The following FRMD3 variants were observed in gnomAD, a reference collection of about 807,000 sequenced individuals.
FRMD3 encodes FERM domain-containing protein 3.
A neutral mutation model predicts 70.2 loss-of-function variants in FRMD3; 33 were observed. That is an observed-to-expected ratio of 0.47 (90% CI 0.36 to 0.63). FRMD3 has a LOEUF of 0.63. Ranked by LOEUF, FRMD3 falls within the 20% of genes least tolerant of loss-of-function variation. FRMD3 has a pLI of 0.00. For synonymous variants in FRMD3, 279 were observed against 255.9 expected, an observed-to-expected ratio of 1.09 and a Z score of -0.86; for missense variants, 632 against 711.4, an observed-to-expected ratio of 0.89 and a Z score of 1.27.
At position 83,245,359 on chromosome 9, in the gene FRMD3, G is replaced by T. The variant is rs953373777; in HGVS notation, c.*2559C>A. The T allele has an allele frequency of 7.1e-6, 7 of 985,192 alleles. No individual in the cohort carries two copies. In the Admixed American group the frequency reaches 4.3e-4, roughly 61 times the overall value. 61.0% of individuals were successfully genotyped at this position (985,192 alleles called of 1,614,324 possible). A position where few individuals can be genotyped will look rare whatever the true frequency, so the allele number is the denominator to read the frequency against. On this transcript the variant is annotated 3_prime_UTR_variant, in exon 14 of 14. Coordinates refer to ENST00000304195, the MANE Select transcript of FRMD3 (RefSeq NM_174938.6). ...ACTATCTTCTAACAAAACTTAAATGGATGTTTCTAAAAGGCTCTGATTCTA... is the reference window on the plus strand; with the variant it reads ...ACTATCTTCTAACAAAACTTAAATGTATGTTTCTAAAAGGCTCTGATTCTA...
rs202021488 is a variant in FRMD3 at position 83,251,130 on chromosome 9, A to C, written c.1196-2614T>G. ...ATGCAGGCCAGCAACAAGTCAGTACACCCCTGGGATGGAGCTTCCAGTGGA... is the reference window on the plus strand; with the variant it reads ...ATGCAGGCCAGCAACAAGTCAGTACCCCCCTGGGATGGAGCTTCCAGTGGA... On this transcript the variant is annotated intron_variant, in intron 13 of 13. Transcript: ENST00000304195. 1.3e-3 allele frequency among the ~76,000 whole-genome samples: 194 copies of C among 152,130 alleles called. 4 individuals carry two copies. In the East Asian group the frequency reaches 0.034, roughly 27 times the overall value.
intron 1 of FRMD3, among the ~76,000 whole-genome samples, chr9:83,506,045 C>T (rs1043173775): frequency 3.9e-5 from 6 of 152,150 alleles, no homozygotes; most frequent in South Asian, 2.1e-4. Context: ...TGGTCAGCTG[C>T]GCTGGTCAGC....
intron 1 of FRMD3, among the ~76,000 whole-genome samples, chr9:83,406,065 G>C (rs1826093932): frequency 6.6e-6 from 1 of 151,896 alleles, no homozygotes; most frequent in Non-Finnish European, 1.5e-5. Flanking sequence ...GAATTTGGCT[G>C]TGCCACTAAT....
intron 12 of FRMD3, among the ~76,000 whole-genome samples, chr9:83,291,194 G>A (rs1834406103): frequency 6.6e-6 from 1 of 152,190 alleles, no homozygotes; most frequent in African/African-American, 2.4e-5. Flanking sequence ...TCTTTGTGTT[G>A]CTGGATGTCC....
chr9:83,534,359 T>C (rs1829848278), intron 1 of FRMD3, among the ~76,000 whole-genome samples: 1 of 152,218 alleles, frequency 6.6e-6, no homozygotes, highest in East Asian at 1.9e-4. Flanking sequence ...GACCACTAGG[T>C]TGTGTGTTTG....
At chr9:83,553,703 C>G in the FRMD3 span, among the ~76,000 whole-genome samples, 1 of 152,216 alleles carries the variant, frequency 6.6e-6, no homozygotes, top group East Asian at 1.9e-4. Flanking sequence ...TCAGGTCTGT[C>G]AGACCCATTA....
At chr9:83,495,510 T>C (rs1828925006) in intron 1 of FRMD3, among the ~76,000 whole-genome samples, 1 of 152,090 alleles carries the variant, frequency 6.6e-6, no homozygotes, top group South Asian at 2.1e-4. Flanking sequence ...TAACGGCAAA[T>C]ACAAGAAAAT....
At chr9:83,335,758 A>T in intron 5 of FRMD3, 119 bp from the exon 6 acceptor site, 1 of 771,614 alleles carries the variant, frequency 1.3e-6, no homozygotes, top group East Asian at 2.7e-5. Context: ...TCACCCAAAA[A>T]TATGTATCTG....
intron 13 of FRMD3, among the ~76,000 whole-genome samples, chr9:83,284,061 ATTTTTTTTTTTTT>A (rs71365307): frequency 9.8e-6 from 1 of 101,710 alleles, no homozygotes. Context: ...CTAGGATGTT[ATTTTTTTTTTTTT>A]TTTTTTTTTT....
chr9:83,389,690 A>G lies in FRMD3; in HGVS notation c.166T>C (p.Phe56Leu). 6.2e-7 allele frequency: 1 copy of G among 1,613,690 alleles called. No homozygotes were observed. Among genetic ancestry groups the G allele is most frequent in the Non-Finnish European group, 8.5e-7 (1 of 1,179,662 alleles). ...CHIQRETKGQ[F>L]LIDHICNYYS... ...TAGTTGCAGATGTGGTCAATGAGAA[A>G]CTGCCCTTTGGTTTCCCTCTGCAAA... is the stretch of plus-strand genomic sequence containing the variant. Residue 56 changes from phenylalanine to leucine, a missense_variant, in exon 2 of 14, where the codon TTT becomes CTT. Physicochemically the swap from Phe to Leu is conservative, Grantham distance 22. Transcript: ENST00000304195.
intron 1 of FRMD3, among the ~76,000 whole-genome samples, chr9:83,503,300 G>T (rs938256874): frequency 2.0e-5 from 3 of 152,164 alleles, no homozygotes; most frequent in African/African-American, 7.2e-5. Flanking sequence ...TCCAGCTGAC[G>T]ACAGAAGAGA....
chr9:83,351,494 AATAGATACCTTCTAC>A (rs1824157372), intron 3 of FRMD3, among the ~76,000 whole-genome samples: 1 of 152,210 alleles, frequency 6.6e-6, no homozygotes, highest in Admixed American at 6.5e-5. Context: ...ACTAGGAGAA[AATAGATACCTTCTAC>A]ATAGCAAAGA....
rs998333629 is a variant in FRMD3 at position 83,363,736 on chromosome 9, A to G, written c.295+9177T>C. Among the ~76,000 whole-genome samples, 5 of 152,108 alleles carry G rather than the reference A, an allele frequency of 3.3e-5. No homozygotes were observed. The East Asian group carries it at 9.7e-4, about 30-fold the overall frequency. On this transcript the variant is annotated intron_variant, in intron 3 of 13. Transcript: ENST00000304195. ...CGCCCGGCTAATTTTTTGTATTTTTAGTAGAGACGGGGTTTCACCATGTTA... is the reference window on the plus strand; with the variant it reads ...CGCCCGGCTAATTTTTTGTATTTTTGGTAGAGACGGGGTTTCACCATGTTA...
At chr9:83,407,299 C>T (rs988459139) in intron 1 of FRMD3, among the ~76,000 whole-genome samples, 2 of 152,284 alleles carry the variant, frequency 1.3e-5, no homozygotes, top group East Asian at 1.9e-4. Flanking sequence ...TAAACCATAA[C>T]AAAGCACCAT....
chr9:83,480,490 C>T (rs931517969), intron 1 of FRMD3, among the ~76,000 whole-genome samples: 4 of 133,884 alleles, frequency 3.0e-5, no homozygotes, highest in Admixed American at 1.6e-4. Flanking sequence ...TATAAGTAAA[C>T]TAGAGATTTT....
At chr9:83,279,472 T>A (rs974496207) in intron 13 of FRMD3, 2 of 152,180 alleles carry the variant, frequency 1.3e-5, no homozygotes, top group African/African-American at 4.8e-5. Context: ...CCCAAAGGAA[T>A]ATAAATCATT....
rs1174154030 is a variant in FRMD3, at chr9:83,246,749, G to A, written c.*1169C>T. ...CAGAATCACAACAAATGGCATGAGG[G>A]ATCAAAATATTTACCTTAAAGTTTC... On this transcript the variant is annotated 3_prime_UTR_variant, in exon 14 of 14. Coordinates refer to ENST00000304195, the MANE Select transcript of FRMD3 (RefSeq NM_174938.6). 2 of 984,720 alleles carry A rather than the reference G, an allele frequency of 2.0e-6. No homozygotes were observed. The highest frequency in any genetic ancestry group is 1.1e-4 in the East Asian group (1 of 8,768). 61.0% of individuals were successfully genotyped at this position (984,720 alleles called of 1,614,324 possible). A position where few individuals can be genotyped will look rare whatever the true frequency, so the allele number is the denominator to read the frequency against.
chr9:83,566,861 G>T, the FRMD3 span, among the ~76,000 whole-genome samples: 2 of 152,194 alleles, frequency 1.3e-5, no homozygotes, highest in African/African-American at 2.4e-5. Context: ...CTCACGGGCT[G>T]GCATTGAGTG....
chr9:83,584,886 T>C, the FRMD3 span, among the ~76,000 whole-genome samples: 1 of 152,212 alleles, frequency 6.6e-6, no homozygotes, highest in South Asian at 2.1e-4. Context: ...CTCTATTCAT[T>C]ATAATAGACT....
Sources: allele counts gnomAD v4.1 joint callset (sites outside exome capture counted in the v4.1 genomes callset), GRCh38; gene constraint gnomAD v4.1.1; transcripts MANE v1.5; gene names NCBI Gene and HGNC (gene_info 2026-07-23, HGNC 2026-07-21).